PPHLN1: variants seen among roughly 807,000 people sequenced by gnomAD.
PPHLN1 encodes the protein periphilin 1.
Under a neutral mutation model 51.3 loss-of-function variants are expected in PPHLN1, and 29 were observed. That is an observed-to-expected ratio of 0.57 (90% CI 0.42 to 0.77). The LOEUF is 0.77. PPHLN1 is among the 30% of genes least tolerant of loss of function. The pLI is 0.00. For synonymous variants in PPHLN1, 147 were observed against 147.8 expected (o/e 0.99, Z 0.04); for missense variants, 436 against 438.4 (o/e 0.99, Z 0.05).
rs138912960 is a variant in PPHLN1 at position 42,404,805 on chromosome 12, G to A, written c.909+5811G>A. Among the ~76,000 whole-genome samples the A allele has an allele frequency of 5.8e-3, 890 of 152,230 alleles. 17 individuals carry two copies. The highest frequency in any genetic ancestry group is 0.029 in the East Asian group (149 of 5,172). On this transcript the variant is annotated intron_variant, in intron 9 of 9. Coordinates refer to ENST00000358314, the MANE Select transcript of PPHLN1 (RefSeq NM_201439.2). ...AGCACTTTGGGAGGCTGAAGCAGGC[G>A]GATCACAAGGTCAGGAGTTCAAGAC...
At chr12:42,421,480 T>C (rs2081003093) in intron 9 of PPHLN1, among the ~76,000 whole-genome samples, 1 of 152,196 alleles carries the variant, frequency 6.6e-6, no homozygotes, top group East Asian at 1.9e-4. Flanking sequence ...CCCTAGTAGC[T>C]GGGATTACAG....
chr12:42,372,308 G>C (rs188545972), intron 4 of PPHLN1, among the ~76,000 whole-genome samples: 1 of 152,246 alleles, frequency 6.6e-6, no homozygotes, highest in East Asian at 1.9e-4. Flanking sequence ...TTTGACACTT[G>C]ACATCCCCCA....
chr12:42,346,400 G>A (rs993032446), intron 2 of PPHLN1, among the ~76,000 whole-genome samples: 2 of 151,940 alleles, frequency 1.3e-5, no homozygotes, highest in South Asian at 4.1e-4. Context: ...TCCATGTGTT[G>A]TAAATAGCAG....
At chr12:42,423,679 A>ATTT (rs11345292) in intron 9 of PPHLN1, among the ~76,000 whole-genome samples, 1 of 147,852 alleles carries the variant, frequency 6.8e-6, no homozygotes, top group African/African-American at 2.5e-5. Flanking sequence ...TAACATGCAA[A>ATTT]TTTTTTTTTT....
rs189204506 is a variant in PPHLN1 at position 42,341,226 on chromosome 12, G to A, written c.72+5252G>A. Among the ~76,000 whole-genome samples the A allele has an allele frequency of 2.3e-3, 348 of 152,030 alleles. 1 individual carries two copies. Among genetic ancestry groups the A allele is most frequent in the African/African-American group, 8.0e-3 (330 of 41,496 alleles). On this transcript the variant is annotated intron_variant, in intron 2 of 9. Coordinates refer to ENST00000358314, the MANE Select transcript of PPHLN1 (RefSeq NM_201439.2). Reference sequence around the variant, plus strand: ...TCAAACTCCTGACCTCAGGTGATCCGCCTCGGCCTCCCAAAGTGCTGGGAT... The same window carrying A: ...TCAAACTCCTGACCTCAGGTGATCCACCTCGGCCTCCCAAAGTGCTGGGAT...
intron 9 of PPHLN1, among the ~76,000 whole-genome samples, chr12:42,433,676 T>C (rs1283741153): frequency 6.6e-6 from 1 of 152,192 alleles, no homozygotes; most frequent in East Asian, 1.9e-4. Flanking sequence ...AAGAAAATAA[T>C]AAGACAGCAT....
chr12:42,433,333 T>G (rs2082202652), intron 9 of PPHLN1: 1 of 562,988 alleles, frequency 1.8e-6, no homozygotes, highest in Admixed American at 2.4e-5. Flanking sequence ...TGCCAATTAT[T>G]TTCAAAAGCA....
At chr12:42,439,625 TGCCTCC>T (rs1248833542) in intron 9 of PPHLN1, among the ~76,000 whole-genome samples, 1 of 152,204 alleles carries the variant, frequency 6.6e-6, no homozygotes, top group Non-Finnish European at 1.5e-5. Context: ...GCTATTCTCC[TGCCTCC>T]GCCTCCTGAG....
chr12:42,448,019 C>G (rs2083378354), downstream of PPHLN1: 1 of 152,068 alleles, frequency 6.6e-6, no homozygotes, highest in Admixed American at 6.6e-5. Flanking sequence ...TGTTACCCAC[C>G]TTAGATAGAC....
At chr12:42,389,837 C>CTTTTG (rs143558439) in intron 7 of PPHLN1, among the ~76,000 whole-genome samples, 1 of 151,608 alleles carries the variant, frequency 6.6e-6, no homozygotes, top group Non-Finnish European at 1.5e-5. Flanking sequence ...ATACAGAAAT[C>CTTTTG]TTAGTAGGTA....
chr12:42,360,339 G>GT (rs542352056), intron 4 of PPHLN1, among the ~76,000 whole-genome samples: 4,288 of 139,504 alleles, frequency 0.031, 215 homozygotes, highest in African/African-American at 0.1. Context: ...TACAGGGCAA[G>GT]TTTTTTTTTT....
At chr12:42,411,003 C>T (rs953518648) in intron 9 of PPHLN1, among the ~76,000 whole-genome samples, 1 of 152,002 alleles carries the variant, frequency 6.6e-6, no homozygotes, top group Non-Finnish European at 1.5e-5. Context: ...TGTTAAATTA[C>T]GCCTTCTCTA....
At chr12:42,344,305 G>A (rs553506481) in intron 2 of PPHLN1, among the ~76,000 whole-genome samples, 21 of 152,084 alleles carry the variant, frequency 1.4e-4, no homozygotes, top group African/African-American at 4.6e-4. Context: ...GTGTGTTTTC[G>A]TTGTTATTTG....
At chr12:42,383,598 G>C (rs74489588) in intron 5 of PPHLN1, among the ~76,000 whole-genome samples, 1 of 152,084 alleles carries the variant, frequency 6.6e-6, no homozygotes, top group African/African-American at 2.4e-5. Context: ...TAAGGGTTTG[G>C]CCAAAACAAA....
chr12:42,430,770 G>A (rs530779117), intron 9 of PPHLN1, among the ~76,000 whole-genome samples: 7 of 152,242 alleles, frequency 4.6e-5, no homozygotes, highest in African/African-American at 1.4e-4. Flanking sequence ...CTGGGATTAT[G>A]AGCGTGAGCC....
intron 9 of PPHLN1, among the ~76,000 whole-genome samples, chr12:42,403,190 G>A (rs2078991296): frequency 6.6e-6 from 1 of 152,124 alleles, no homozygotes; most frequent in Admixed American, 6.5e-5. Flanking sequence ...ATCAGAGCAA[G>A]TAACCAATGT....
At chr12:42,436,680 T>C (rs1729112279) in intron 9 of PPHLN1, among the ~76,000 whole-genome samples, 2 of 152,182 alleles carry the variant, frequency 1.3e-5, no homozygotes, top group South Asian at 4.1e-4. Context: ...TACTGAACCC[T>C]GTGTATACTC....
downstream of PPHLN1, chr12:42,442,527 C>T: frequency 7.0e-7 from 1 of 1,424,128 alleles, no homozygotes; most frequent in South Asian, 1.3e-5. Context: ...CAAGCGGCTC[C>T]AGCTTATCAG....
At chr12:42,351,396 A>G (rs1371766414) in intron 2 of PPHLN1, 1 of 152,160 alleles carries the variant, frequency 6.6e-6, no homozygotes, top group Non-Finnish European at 1.5e-5. Context: ...TCCTCCCTCC[A>G]TTACTGCTGG....
Sources: gnomAD v4.1 joint callset for allele counts (sites outside exome capture counted in the v4.1 genomes callset) on GRCh38, gnomAD v4.1.1 for gene constraint, MANE v1.5 for transcripts, NCBI Gene and HGNC (gene_info 2026-07-23, HGNC 2026-07-21) for gene names.